STK31: variants seen among roughly 807,000 people sequenced by gnomAD.
The protein encoded by STK31 is serine/threonine-protein kinase 31.
STK31 carries 89 observed loss-of-function variants against 129.7 expected under a neutral mutation model. That is an observed-to-expected ratio of 0.69 (90% CI 0.58 to 0.82). The LOEUF is 0.82. Among genes scored for constraint, STK31 ranks in the 40% least tolerant of loss-of-function variants. The pLI is 0.00. For missense variants in STK31, 1,187 were observed against 1,176.4 expected (o/e 1.01, Z -0.13); for synonymous variants, 448 against 395.3 (o/e 1.13, Z -1.58).
rs1274028866 is a variant in STK31 at position 23,726,005 on chromosome 7, A to G, written c.250-1236A>G. 4 of 152,180 alleles carry G rather than the reference A, an allele frequency of 2.6e-5. No homozygotes were observed. In the East Asian group the frequency reaches 7.7e-4, roughly 29 times the overall value. The allele number at this position is 152,180 out of a possible 1,614,324, so 9.4% of individuals were successfully genotyped here. On this transcript the variant is annotated intron_variant, in intron 4 of 23. Transcript: ENST00000355870. Reference sequence around the variant, plus strand: ...TTTTCAACAACCAGTTCTCTTAGGAACTATGAGTGAAAACTCATTCACTTC... The same window carrying G: ...TTTTCAACAACCAGTTCTCTTAGGAGCTATGAGTGAAAACTCATTCACTTC...
At chr7:23,815,541 C>T (rs1793419843) in intron 23 of STK31, among the ~76,000 whole-genome samples, 1 of 152,058 alleles carries the variant, frequency 6.6e-6, no homozygotes, top group South Asian at 2.1e-4. Flanking sequence ...ATATCTTTGT[C>T]ATTCACATAT....
At position 23,722,452 on chromosome 7, in the gene STK31, C is replaced by T. The variant is rs189063511; in HGVS notation, c.250-4789C>T. On this transcript the variant is annotated intron_variant, in intron 4 of 23. Transcript: ENST00000355870. ...TGCCTGATCGTTCTTCTGGAAGCTT[C>T]GTCTCAGAGGGGCACCCGGCTGTAT... is the stretch of plus-strand genomic sequence containing the variant. 3.3e-3 allele frequency: 500 copies of T among 153,160 alleles called. 3 individuals are homozygous for T. Among genetic ancestry groups the T allele is most frequent in the Middle Eastern group, 9.9e-3 (3 of 302 alleles). 9.5% of individuals were successfully genotyped at this position (153,160 alleles called of 1,614,324 possible). A position where few individuals can be genotyped will look rare whatever the true frequency, so the allele number is the denominator to read the frequency against.
At chr7:23,740,546 C>T (rs1294006076) in intron 8 of STK31, among the ~76,000 whole-genome samples, 1 of 151,918 alleles carries the variant, frequency 6.6e-6, no homozygotes, top group Non-Finnish European at 1.5e-5. Context: ...GCACAACGTG[C>T]AGGTTTGTTA....
intron 23 of STK31, among the ~76,000 whole-genome samples, chr7:23,824,079 G>A (rs551615446): frequency 4.6e-5 from 7 of 152,212 alleles, no homozygotes; most frequent in South Asian, 2.1e-4. Context: ...TTGGCAATGC[G>A]GGCTCTTTGT....
intron 14 of STK31, 38 bp downstream of exon 14, chr7:23,771,162 A>T (rs1790166267): frequency 6.7e-7 from 1 of 1,490,900 alleles, no homozygotes; most frequent in African/African-American, 1.5e-5. Flanking sequence ...TTATAAATTG[A>T]TGATTTGAAT....
intron 10 of STK31, among the ~76,000 whole-genome samples, chr7:23,756,664 C>T (rs776863770): frequency 3.9e-5 from 6 of 152,056 alleles, no homozygotes; most frequent in Admixed American, 2.6e-4. Context: ...AGATATGTTC[C>T]GTCAATACTT....
rs1345292543 is a variant in STK31, at chr7:23,754,311, A to G, written c.1134-4A>G. 2 of 1,596,600 alleles carry G rather than the reference A, an allele frequency of 1.3e-6. No homozygotes were observed. The highest frequency in any genetic ancestry group is 1.7e-6 in the Non-Finnish European group (2 of 1,175,698). On this transcript the variant is annotated splice_region_variant and splice_polypyrimidine_tract_variant and intron_variant, in intron 9 of 23. Coordinates refer to ENST00000355870, the MANE Select transcript of STK31 (RefSeq NM_031414.5). The stretch of plus-strand genomic sequence containing the variant: ...CTTCTTCTTTTTGATGTTTTTAAAA[A>G]TAGGCATGTCGACATCAGTGTCCGT...
At chr7:23,749,068 T>C (rs1260010033) in intron 8 of STK31, among the ~76,000 whole-genome samples, 2 of 152,240 alleles carry the variant, frequency 1.3e-5, no homozygotes, top group Non-Finnish European at 2.9e-5. Context: ...GTTGAAGTCA[T>C]TTTTGATTTC....
At chr7:23,765,946 T>G (rs1789797449) in intron 11 of STK31, among the ~76,000 whole-genome samples, 1 of 152,226 alleles carries the variant, frequency 6.6e-6, no homozygotes, top group Admixed American at 6.5e-5. Context: ...ACCACAATTG[T>G]CTAGGATTTT....
At chr7:23,713,121 A>T (rs1399863792) in intron 3 of STK31, among the ~76,000 whole-genome samples, 2 of 152,216 alleles carry the variant, frequency 1.3e-5, no homozygotes, top group Non-Finnish European at 2.9e-5. Flanking sequence ...GCGTCGCTGT[A>T]TGAACATCAT....
At chr7:23,711,345 G>T (rs946977003) in intron 1 of STK31, among the ~76,000 whole-genome samples, 1 of 151,924 alleles carries the variant, frequency 6.6e-6, no homozygotes, top group African/African-American at 2.4e-5. Flanking sequence ...GGTGAGGCAG[G>T]AGAATTGCTT....
chr7:23,767,019 G>A (rs1789870339), intron 11 of STK31, among the ~76,000 whole-genome samples: 1 of 152,182 alleles, frequency 6.6e-6, no homozygotes, highest in Middle Eastern at 3.4e-3. Flanking sequence ...CCAATCCATT[G>A]CATTTTGTAT....
chr7:23,810,773 A>C (rs1422485494), intron 22 of STK31, among the ~76,000 whole-genome samples: 2 of 107,334 alleles, frequency 1.9e-5, no homozygotes, highest in South Asian at 2.4e-4. Flanking sequence ...ATATATAAAT[A>C]TATATTATAT....
At chr7:23,782,814 G>A (rs1415500747) in intron 16 of STK31, among the ~76,000 whole-genome samples, 5 of 152,080 alleles carry the variant, frequency 3.3e-5, no homozygotes, top group African/African-American at 7.2e-5. Flanking sequence ...TTAATATTTT[G>A]AGAAATAATG....
intron 4 of STK31, chr7:23,721,778 G>C: frequency 1.5e-6 from 1 of 661,690 alleles, no homozygotes; most frequent in Non-Finnish European, 2.8e-6. Flanking sequence ...GTTTTGTCCA[G>C]TTCTGCGTTA....
chr7:23,805,100 G>A (rs1310663822), intron 22 of STK31, among the ~76,000 whole-genome samples: 1 of 151,212 alleles, frequency 6.6e-6, no homozygotes. Flanking sequence ...TTTTGAGACG[G>A]AGTCTTGCTC....
intron 23 of STK31, among the ~76,000 whole-genome samples, chr7:23,819,353 A>G (rs1793657116): frequency 6.6e-6 from 1 of 152,156 alleles, no homozygotes; most frequent in African/African-American, 2.4e-5. Context: ...GTGACAAACT[A>G]AAATTTCAAA....
chr7:23,723,181 C>T (rs999642690), intron 4 of STK31, among the ~76,000 whole-genome samples: 1 of 152,190 alleles, frequency 6.6e-6, no homozygotes, highest in South Asian at 2.1e-4. Context: ...GGAGCTGTTC[C>T]TATTCGGCCA....
rs189818741 is a variant in STK31 at position 23,815,132 on chromosome 7, T to A, written c.2761-12T>A. 1.3e-6 allele frequency: 2 copies of A among 1,594,564 alleles called. No homozygotes were observed. The highest frequency in any genetic ancestry group is 3.5e-5 in the Admixed American group (2 of 56,926). ...ACATTGGACATTTATTCATTCTTAC[T>A]TTCTTTCACAGCTTTCTGTTCAAAA... On this transcript the variant is annotated splice_polypyrimidine_tract_variant and intron_variant, in intron 22 of 23. Coordinates refer to ENST00000355870, the MANE Select transcript of STK31 (RefSeq NM_031414.5).
Sources: allele counts gnomAD v4.1 joint callset (sites outside exome capture counted in the v4.1 genomes callset), GRCh38; gene constraint gnomAD v4.1.1; transcripts MANE v1.5; gene names NCBI Gene and HGNC (gene_info 2026-07-23, HGNC 2026-07-21).